Variants in DNAH14 observed in about 807,000 individuals in gnomAD.
The protein encoded by DNAH14 is dynein axonemal heavy chain 14.
In DNAH14, 478 loss-of-function variants were observed where a neutral mutation model predicts 520.9. The ratio of observed to expected loss-of-function variants is 0.92; its 90% confidence interval spans 0.85 to 0.99. The LOEUF is 0.99. Among genes scored for constraint, DNAH14 ranks in the 50% least tolerant of loss-of-function variants. The probability of loss-of-function intolerance (pLI) is 0.00; values close to 1 mark genes in which losing one functional copy is unlikely to be tolerated. For synonymous variants in DNAH14, 1,581 were observed against 1,757.2 expected (o/e 0.90, Z 2.51); for missense variants, 4,831 against 5,234.5 (o/e 0.92, Z 2.38).
intron 69 of DNAH14, among the ~76,000 whole-genome samples, chr1:225,341,166 G>A (rs938283490): frequency 4.6e-5 from 7 of 151,656 alleles, no homozygotes; most frequent in East Asian, 3.9e-4. Context: ...GTGCAGTGGC[G>A]CAATCTCGGC....
chr1:225,045,271 T>G (rs1423464594), intron 15 of DNAH14, among the ~76,000 whole-genome samples: 1 of 152,016 alleles, frequency 6.6e-6, no homozygotes, highest in African/African-American at 2.4e-5. Context: ...TCTACTGTTT[T>G]TTTTTTAAGT....
chr1:225,161,780 T>G (rs918154584), intron 35 of DNAH14, among the ~76,000 whole-genome samples: 2 of 152,160 alleles, frequency 1.3e-5, no homozygotes, highest in Admixed American at 1.3e-4. Context: ...ACCTTTTCAT[T>G]ACCCATTTGC....
In DNAH14 at chr1:225,335,611, G is replaced by A. The variant is rs1359198959; in HGVS notation, c.10081-1655G>A. Among the ~76,000 whole-genome samples, 13 of 118,262 alleles carry A rather than the reference G, an allele frequency of 1.1e-4. 1 individual carries two copies. Among genetic ancestry groups the A allele is most frequent in the South Asian group, 2.6e-4 (1 of 3,872 alleles). 77.6% of individuals were successfully genotyped at this position (118,262 alleles called of 152,430 possible). On this transcript the variant is annotated intron_variant, in intron 66 of 85. Transcript: ENST00000682510. ...TATATGTATATACGCATACGTATAT[G>A]TGTATATACGCATATATACATATGT...
intron 55 of DNAH14, among the ~76,000 whole-genome samples, chr1:225,291,067 C>T (rs1053019619): frequency 2.6e-5 from 4 of 151,964 alleles, no homozygotes; most frequent in Admixed American, 6.6e-5. Flanking sequence ...TCTTCTGTTC[C>T]ACTTTTTACT....
intron 35 of DNAH14, among the ~76,000 whole-genome samples, chr1:225,165,610 G>A (rs1573633172): frequency 6.6e-6 from 1 of 151,442 alleles, no homozygotes; most frequent in Admixed American, 6.6e-5. Context: ...TTTTGAGACA[G>A]GGTTTCAGTC....
chr1:225,063,670 A>G (rs970093054), intron 17 of DNAH14, among the ~76,000 whole-genome samples: 3 of 152,116 alleles, frequency 2.0e-5, no homozygotes, highest in Non-Finnish European at 4.4e-5. Context: ...CAAGTGATCT[A>G]TCATATGTGT....
intron 36 of DNAH14, among the ~76,000 whole-genome samples, chr1:225,180,992 C>G (rs533082593): frequency 6.6e-6 from 1 of 152,282 alleles, no homozygotes; most frequent in Admixed American, 6.5e-5. Context: ...CTCCCTCCTT[C>G]TGGAGTCCCC....
intron 8 of DNAH14, among the ~76,000 whole-genome samples, chr1:224,975,020 G>T (rs1001727969): frequency 2.6e-5 from 4 of 152,032 alleles, no homozygotes; most frequent in Non-Finnish European, 5.9e-5. Flanking sequence ...TTATATGCTG[G>T]ATTACATTTA....
rs1021142853 is a variant in DNAH14, at chr1:225,384,741, C to G, written c.13077+3162C>G. On this transcript the variant is annotated intron_variant, in intron 81 of 85. Coordinates refer to ENST00000682510, the MANE Select transcript of DNAH14 (RefSeq NM_001367479.1). Reference sequence around the variant, plus strand: ...TGAAATTGAGGCAATAATTAATAGCCTACCAACCAAAAAAAGTCCAGGACC... The same window carrying G: ...TGAAATTGAGGCAATAATTAATAGCGTACCAACCAAAAAAAGTCCAGGACC... 9.2e-5 allele frequency among the ~76,000 whole-genome samples: 14 copies of G among 152,074 alleles called. No individual in the cohort carries two copies. In the East Asian group the frequency reaches 2.7e-3, roughly 29 times the overall value.
intron 17 of DNAH14, among the ~76,000 whole-genome samples, chr1:225,052,540 C>T (rs986618908): frequency 5.9e-5 from 9 of 152,056 alleles, no homozygotes; most frequent in African/African-American, 2.2e-4. Flanking sequence ...TGATTATATG[C>T]CAGGCATTGT....
At chr1:225,222,973 A>G (rs969105731) in intron 41 of DNAH14, among the ~76,000 whole-genome samples, 4 of 152,282 alleles carry the variant, frequency 2.6e-5, no homozygotes, top group Non-Finnish European at 2.9e-5. Context: ...GCTTTGCTCA[A>G]TTCTACACAG....
intron 37 of DNAH14, among the ~76,000 whole-genome samples, chr1:225,191,244 C>T (rs562712662): frequency 6.6e-6 from 1 of 151,916 alleles, no homozygotes; most frequent in South Asian, 2.1e-4. Context: ...TCAGCATTTT[C>T]AGTAGGGTAG....
chr1:225,017,444 C>T (rs2065300521), intron 10 of DNAH14, among the ~76,000 whole-genome samples: 1 of 152,242 alleles, frequency 6.6e-6, no homozygotes, highest in South Asian at 2.1e-4. Context: ...CATGAGGCTC[C>T]TGCTACCCCA....
chr1:225,236,783 T>G (rs975254499), intron 42 of DNAH14, among the ~76,000 whole-genome samples: 2 of 152,220 alleles, frequency 1.3e-5, no homozygotes, highest in Non-Finnish European at 2.9e-5. Context: ...TTCACAATAT[T>G]GATTCTTCTT....
At chr1:225,373,355 C>G (rs915615243) in intron 77 of DNAH14, among the ~76,000 whole-genome samples, 14 of 151,972 alleles carry the variant, frequency 9.2e-5, no homozygotes, top group Non-Finnish European at 1.5e-5. Context: ...GTCCCAGCTA[C>G]GCGGGAGGCT....
chr1:225,348,807 T>G (rs1186684478), intron 71 of DNAH14, among the ~76,000 whole-genome samples: 1 of 152,126 alleles, frequency 6.6e-6, no homozygotes, highest in Non-Finnish European at 1.5e-5. Flanking sequence ...AAAAGGTAAA[T>G]ATGTGGATAA....
chr1:225,237,521 T>C (rs2091678217), intron 42 of DNAH14, among the ~76,000 whole-genome samples: 2 of 152,214 alleles, frequency 1.3e-5, no homozygotes, highest in South Asian at 4.1e-4. Flanking sequence ...ACCTGGCCTT[T>C]CTCTCTGGCT....
chr1:225,057,459 T>C (rs893242798), intron 17 of DNAH14, among the ~76,000 whole-genome samples: 1 of 152,176 alleles, frequency 6.6e-6, no homozygotes, highest in Non-Finnish European at 1.5e-5. Context: ...AGATATACAA[T>C]CATGTCATCT....
intron 29 of DNAH14, among the ~76,000 whole-genome samples, chr1:225,144,899 G>A (rs2079786480): frequency 2.0e-5 from 3 of 152,048 alleles, no homozygotes; most frequent in South Asian, 2.1e-4. Context: ...ATCATTGTGT[G>A]TGTGTGTGTG....
Sources: gnomAD v4.1 joint callset for allele counts (sites outside exome capture counted in the v4.1 genomes callset) on GRCh38, gnomAD v4.1.1 for gene constraint, MANE v1.5 for transcripts, NCBI Gene and HGNC (gene_info 2026-07-23, HGNC 2026-07-21) for gene names.